NLGN1: variants seen among roughly 807,000 people sequenced by gnomAD.
The protein encoded by NLGN1 is neuroligin-1.
Under a neutral mutation model 65.5 loss-of-function variants are expected in NLGN1, and 12 were observed. The ratio of observed to expected loss-of-function variants is 0.18; its 90% CI spans 0.12 to 0.30. The LOEUF is 0.30. Among genes scored for constraint, NLGN1 ranks in the 10% least tolerant of loss-of-function variants. The pLI is 1.00. For missense variants in NLGN1, 750 were observed against 1,007.1 expected, an observed-to-expected ratio of 0.74 and a Z score of 3.46; for synonymous variants, 350 against 359.5, an observed-to-expected ratio of 0.97 and a Z score of 0.30.
In NLGN1 at chr3:173,422,587, T is replaced by C. The variant is rs575498138; in HGVS notation, c.-389-12423T>C. On this transcript the variant is annotated intron_variant, in intron 1 of 6. Coordinates refer to ENST00000457714, the Ensembl canonical transcript of NLGN1. The stretch of plus-strand genomic sequence containing the variant: ...ATGGCTGTACTAATTTACATTCCCA[T>C]AATCAGTTTACAAACCTTCCTCTTT... 8.4e-4 allele frequency among the ~76,000 whole-genome samples: 128 copies of C among 152,332 alleles called. 1 individual carries two copies. Among genetic ancestry groups the C allele is most frequent in the Admixed American group, 1.9e-3 (29 of 15,304 alleles).
At chr3:173,408,125 G>T (rs1405492504) in intron 1 of NLGN1, among the ~76,000 whole-genome samples, 1 of 151,940 alleles carries the variant, frequency 6.6e-6, no homozygotes, top group Non-Finnish European at 1.5e-5. Context: ...GAGTGCAGTG[G>T]CACAATCCTG....
chr3:174,181,778 T>TATACACACACACACAC (rs1553956507), intron 4 of NLGN1, among the ~76,000 whole-genome samples: 11 of 142,592 alleles, frequency 7.7e-5, no homozygotes, highest in Non-Finnish European at 1.5e-4. Flanking sequence ...AAAATAAAAA[T>TATACACACACACACAC]ACACACACAC....
At chr3:173,465,519 G>A (rs1484031035) in intron 2 of NLGN1, among the ~76,000 whole-genome samples, 1 of 152,170 alleles carries the variant, frequency 6.6e-6, no homozygotes, top group African/African-American at 2.4e-5. Flanking sequence ...AGCCAAATTT[G>A]ATGTAAAGCC....
chr3:174,200,708 C>T (rs1333281558), intron 4 of NLGN1, among the ~76,000 whole-genome samples: 3 of 152,120 alleles, frequency 2.0e-5, no homozygotes, highest in Non-Finnish European at 4.4e-5. Flanking sequence ...CTTTTATATG[C>T]ACTTTTACCT....
chr3:174,017,365 T>C (rs935496872), intron 4 of NLGN1, among the ~76,000 whole-genome samples: 3 of 152,188 alleles, frequency 2.0e-5, no homozygotes, highest in African/African-American at 4.8e-5. Context: ...TATACCTTAA[T>C]TGCTGAGATG....
chr3:173,476,806 A>G (rs1294708257), intron 2 of NLGN1, among the ~76,000 whole-genome samples: 2 of 152,216 alleles, frequency 1.3e-5, no homozygotes, highest in Non-Finnish European at 2.9e-5. Flanking sequence ...TCAGTATATT[A>G]CAAGAGATAG....
At chr3:174,095,662 A>G (rs1745379385) in intron 4 of NLGN1, among the ~76,000 whole-genome samples, 1 of 152,024 alleles carries the variant, frequency 6.6e-6, no homozygotes, top group Non-Finnish European at 1.5e-5. Flanking sequence ...ATGCGTGTGT[A>G]TAGATACATA....
intron 4 of NLGN1, among the ~76,000 whole-genome samples, chr3:174,150,284 CAAAGTT>C (rs984426778): frequency 3.3e-5 from 5 of 152,004 alleles, no homozygotes; most frequent in African/African-American, 1.2e-4. Flanking sequence ...TTTTCTGTAT[CAAAGTT>C]AATGTATTTC....
At chr3:173,429,383 T>TCTGCACCGATTTACTGTGTTA (rs1318603738) in intron 1 of NLGN1, among the ~76,000 whole-genome samples, 1 of 152,216 alleles carries the variant, frequency 6.6e-6, no homozygotes, top group African/African-American at 2.4e-5. Context: ...TGAATAAATT[T>TCTGCACCGATTTACTGTGTTA]CTGCACCGAT....
chr3:173,992,691 G>A (rs1721376859), intron 4 of NLGN1, among the ~76,000 whole-genome samples: 1 of 152,102 alleles, frequency 6.6e-6, no homozygotes, highest in South Asian at 2.1e-4. Flanking sequence ...GCACTCTAGG[G>A]TATGTAATGT....
intron 4 of NLGN1, among the ~76,000 whole-genome samples, chr3:174,090,482 A>G (rs1744306523): frequency 6.6e-6 from 1 of 152,108 alleles, no homozygotes. Context: ...CAAAAAAAGA[A>G]AAAAGAAAAA....
At chr3:173,618,944 GCTGGTAGT>G (rs1281327114) in intron 3 of NLGN1, among the ~76,000 whole-genome samples, 1 of 152,148 alleles carries the variant, frequency 6.6e-6, no homozygotes, top group African/African-American at 2.4e-5. Flanking sequence ...GGCTTCATGG[GCTGGTAGT>G]CTGTGCAGTC....
chr3:173,622,273 G>A (rs565111904), intron 3 of NLGN1, among the ~76,000 whole-genome samples: 2 of 152,158 alleles, frequency 1.3e-5, no homozygotes, highest in South Asian at 4.1e-4. Flanking sequence ...TTCTCATCTA[G>A]TGCTGTGTTT....
At position 173,622,524 on chromosome 3, in the gene NLGN1, A is replaced by G. The variant is rs577109676; in HGVS notation, c.493+17433A>G. On this transcript the variant is annotated intron_variant, in intron 3 of 6. Transcript: ENST00000457714. ...AGATCAGAGCATGATAGAATGCCCA[A>G]ATTGCTTTCCGATGCTGACCTGCTG... Among the ~76,000 whole-genome samples, 4 of 152,134 alleles carry G rather than the reference A, an allele frequency of 2.6e-5. No individual in the cohort carries two copies. In the South Asian group the frequency reaches 8.3e-4, roughly 32 times the overall value.
intron 2 of NLGN1, among the ~76,000 whole-genome samples, chr3:173,571,016 T>A (rs367664861): frequency 6.6e-6 from 1 of 152,168 alleles, no homozygotes; most frequent in Non-Finnish European, 1.5e-5. Context: ...AATTTATTAT[T>A]TTTGGAAAAC....
intron 1 of NLGN1, among the ~76,000 whole-genome samples, chr3:173,434,082 A>G (rs1232419773): frequency 6.6e-6 from 1 of 152,178 alleles, no homozygotes; most frequent in Non-Finnish European, 1.5e-5. Flanking sequence ...AGAATTCTAG[A>G]ATCGACTTTA....
chr3:173,889,765 C>G (rs1734996178), intron 4 of NLGN1, among the ~76,000 whole-genome samples: 1 of 150,392 alleles, frequency 6.6e-6, no homozygotes, highest in Non-Finnish European at 1.5e-5. Flanking sequence ...GTTGAGAAAG[C>G]TGTTTAATTC....
chr3:173,573,344 A>C (rs1559986826), intron 2 of NLGN1, among the ~76,000 whole-genome samples: 1 of 152,084 alleles, frequency 6.6e-6, no homozygotes, highest in Non-Finnish European at 1.5e-5. Flanking sequence ...GCATTCAACA[A>C]ATGAGAGTTG....
intron 3 of NLGN1, among the ~76,000 whole-genome samples, chr3:173,743,931 A>G (rs888647782): frequency 6.6e-6 from 1 of 152,178 alleles, no homozygotes; most frequent in Non-Finnish European, 1.5e-5. Flanking sequence ...CAATACTCCA[A>G]TTTCTGAACA....
Sources: gnomAD v4.1 joint callset for allele counts (sites outside exome capture counted in the v4.1 genomes callset) on GRCh38, gnomAD v4.1.1 for gene constraint, MANE v1.5 for transcripts, NCBI Gene and HGNC (gene_info 2026-07-23, HGNC 2026-07-21) for gene names.